Variants in PTGES3 observed in about 807,000 individuals in gnomAD.
PTGES3 encodes the protein Hsp90 co-chaperone.
In PTGES3, 5 loss-of-function variants were observed where a neutral mutation model predicts 29.9. The observed-to-expected ratio is 0.17, with a 90% CI of 0.09 to 0.35. PTGES3 has a LOEUF of 0.35. PTGES3 is among the 10% of genes least tolerant of loss of function. The pLI is 1.00. For missense variants in PTGES3, 128 were observed against 190.0 expected, an observed-to-expected ratio of 0.67 and a Z score of 1.92; for synonymous variants, 49 against 57.8, an observed-to-expected ratio of 0.85 and a Z score of 0.69.
Position 56,687,995 on chromosome 12 carries a change from C to G in PTGES3, c.2+3G>C, listed in dbSNP as rs1409575796. 6.3e-7 allele frequency: 1 copy of G among 1,597,072 alleles called. No homozygotes were observed. The highest frequency in any genetic ancestry group is 2.3e-5 in the East Asian group (1 of 42,912). On this transcript the variant is annotated splice_donor_region_variant and intron_variant, in intron 1 of 7. Coordinates refer to ENST00000262033, the MANE Select transcript of PTGES3 (RefSeq NM_006601.7). ...CCTTCCCTCGGCGGGGTGTCGCACTCACATTGTGAACGGGGCAGGGGGACG... is the reference window on the plus strand; with the variant it reads ...CCTTCCCTCGGCGGGGTGTCGCACTGACATTGTGAACGGGGCAGGGGGACG...
chr12:56,687,433 A>G (rs1952928652), intron 1 of PTGES3: 1 of 987,750 alleles, frequency 1.0e-6, no homozygotes, highest in Non-Finnish European at 1.2e-6. Flanking sequence ...CAAGAAACCC[A>G]GACACTGGAG....
intron 4 of PTGES3, among the ~76,000 whole-genome samples, chr12:56,670,922 A>G (rs777085469): frequency 9.2e-5 from 14 of 152,186 alleles, no homozygotes; most frequent in Non-Finnish European, 1.8e-4. Flanking sequence ...CCTGAGCAAT[A>G]GTGGATCCTG....
chr12:56,686,645 G>C (rs985119384), intron 1 of PTGES3, among the ~76,000 whole-genome samples: 7 of 152,006 alleles, frequency 4.6e-5, no homozygotes, highest in African/African-American at 1.5e-4. Context: ...TCAGAGTGCT[G>C]GGATCACAGT....
At chr12:56,666,373 A>G in intron 5 of PTGES3, 107 bp from the exon 6 acceptor site, 1 of 1,287,684 alleles carries the variant, frequency 7.8e-7, no homozygotes, top group Non-Finnish European at 1.0e-6. Flanking sequence ...GATATCAAAA[A>G]ATGCAAAATG....
chr12:56,685,992 G>GTC (rs1183573638), intron 1 of PTGES3, among the ~76,000 whole-genome samples: 1 of 151,730 alleles, frequency 6.6e-6, no homozygotes, highest in Non-Finnish European at 1.5e-5. Flanking sequence ...GGCCAGGCTG[G>GTC]TCTCTAACTC....
intron 1 of PTGES3, among the ~76,000 whole-genome samples, chr12:56,675,502 C>T (rs1952195686): frequency 7.0e-6 from 1 of 143,290 alleles, no homozygotes; most frequent in Non-Finnish European, 1.5e-5. Flanking sequence ...GCACTCTAGC[C>T]TAGGCAACAG....
intron 5 of PTGES3, among the ~76,000 whole-genome samples, chr12:56,669,966 C>CT (rs1305013479): frequency 2.1e-4 from 19 of 88,626 alleles, no homozygotes; most frequent in South Asian, 2.0e-3. Context: ...TGCAATCATG[C>CT]TTTAAAAAAA....
chr12:56,684,939 ATCTC>A (rs796328251), intron 1 of PTGES3, among the ~76,000 whole-genome samples: 1 of 151,972 alleles, frequency 6.6e-6, no homozygotes, highest in African/African-American at 2.4e-5. Context: ...CCCAGCATAA[ATCTC>A]TCTCTCCCCA....
At chr12:56,686,277 G>C (rs915968516) in intron 1 of PTGES3, among the ~76,000 whole-genome samples, 2 of 152,138 alleles carry the variant, frequency 1.3e-5, no homozygotes, top group African/African-American at 2.4e-5. Flanking sequence ...TCCCCTTACA[G>C]ATTTTCAGAG....
At chr12:56,686,047 T>C (rs998622853) in intron 1 of PTGES3, among the ~76,000 whole-genome samples, 1 of 152,140 alleles carries the variant, frequency 6.6e-6, no homozygotes, top group African/African-American at 2.4e-5. Context: ...GTATAGGGAT[T>C]ACAGGCGTGA....
At position 56,688,036 on chromosome 12, in the gene PTGES3, G is replaced by T. The variant is rs1249374918; in HGVS notation, c.-37C>A. The T allele has an allele frequency of 2.6e-6, 4 of 1,510,650 alleles. No homozygotes were observed. The highest frequency in any genetic ancestry group is 3.5e-6 in the Non-Finnish European group (4 of 1,128,684). The allele number at this position is 1,510,650 out of a possible 1,614,324, so 93.6% of individuals were successfully genotyped here. A position where few individuals can be genotyped will look rare whatever the true frequency, so the allele number is the denominator to read the frequency against. The stretch of plus-strand genomic sequence containing the variant: ...CAGGGGGACGGGCGAACTGGTGGGC[G>T]GGCCTCTCTGGCGGCGGCTGCTGCT... On this transcript the variant is annotated 5_prime_UTR_variant, in exon 1 of 8. Transcript: ENST00000262033.
intron 1 of PTGES3, chr12:56,687,720 A>C: frequency 7.4e-7 from 1 of 1,356,110 alleles, no homozygotes; most frequent in Non-Finnish European, 9.5e-7. Context: ...GAAGTTACCG[A>C]AAGAGGCGAG....
In PTGES3 at chr12:56,664,485, C is replaced by T. The variant is rs1951717890; in HGVS notation, c.477G>A (p.Leu159=). 6.2e-7 allele frequency: 1 copy of T among 1,602,668 alleles called. No individual in the cohort carries two copies. Among genetic ancestry groups the T allele is most frequent in the Admixed American group, 1.7e-5 (1 of 58,866 alleles). The change falls in exon 8 of 8, where the codon CTG becomes CTA. Residue 159 remains leucine (L), a synonymous_variant. Coordinates refer to ENST00000262033, the MANE Select transcript of PTGES3 (RefSeq NM_006601.7). ...CAGGTGATGACAATATTCCTTACTC[C>T]AGATCTGGCATTTCTGAAAGAATTT... ...QDSDDEKMPD[L]E is the part of the protein sequence containing the mutation.
Position 56,671,764 on chromosome 12 carries a change from T to C in PTGES3, c.270A>G (p.Thr90=), listed in dbSNP as rs2137621100. 1 of 1,553,374 alleles carries C rather than the reference T, an allele frequency of 6.4e-7. No homozygotes were observed. The highest frequency in any genetic ancestry group is 8.7e-7 in the Non-Finnish European group (1 of 1,150,428). The change falls in exon 4 of 8, where the codon ACA becomes ACG. Residue 90 remains threonine, a synonymous_variant. Coordinates refer to ENST00000262033, the MANE Select transcript of PTGES3 (RefSeq NM_006601.7). ...TGAAACCTACCTTTGCCCTTTCTTTTGTTAACCTTGGCCATGACTGGCCAG... is the reference window on the plus strand; with the variant it reads ...TGAAACCTACCTTTGCCCTTTCTTTCGTTAACCTTGGCCATGACTGGCCAG... ...GESGQSWPRL[T]KERAKLNWLS...
intron 1 of PTGES3, 138 bp downstream of exon 1, chr12:56,687,860 G>A: frequency 6.5e-7 from 1 of 1,530,872 alleles, no homozygotes; most frequent in East Asian, 2.5e-5. Context: ...CCGGAACAAG[G>A]ATCCTGGACC....
At chr12:56,674,051 T>C (rs772146040) in intron 1 of PTGES3, among the ~76,000 whole-genome samples, 3 of 152,176 alleles carry the variant, frequency 2.0e-5, no homozygotes, top group Non-Finnish European at 4.4e-5. Context: ...ATCAATCTCC[T>C]TTCCTCAAAT....
intron 3 of PTGES3, 61 bp downstream of exon 3, chr12:56,672,679 A>G: frequency 6.8e-7 from 1 of 1,480,618 alleles, no homozygotes; most frequent in Non-Finnish European, 9.0e-7. Flanking sequence ...GCTAAAAAGA[A>G]TACTTGGTAT....
At chr12:56,664,622 T>C in intron 7 of PTGES3, 124 bp from the exon 8 acceptor site, 2 of 1,379,870 alleles carry the variant, frequency 1.4e-6, no homozygotes, top group Non-Finnish European at 2.0e-6. Context: ...ATAGGTTGTC[T>C]TGCTATCAAG....
intron 1 of PTGES3, among the ~76,000 whole-genome samples, chr12:56,674,904 T>C (rs1009252230): frequency 1.5e-5 from 2 of 134,282 alleles, no homozygotes; most frequent in African/African-American, 5.7e-5. Flanking sequence ...CTCAGGAGGC[T>C]GAGTCAGGAG....
Sources: gnomAD v4.1 joint callset for allele counts (sites outside exome capture counted in the v4.1 genomes callset) on GRCh38, gnomAD v4.1.1 for gene constraint, MANE v1.5 for transcripts, NCBI Gene and HGNC (gene_info 2026-07-23, HGNC 2026-07-21) for gene names.